The following STPG1 variants were observed in gnomAD, a reference collection of about 807,000 sequenced individuals.
STPG1 encodes the protein sperm tail PG-rich repeat containing 1.
A neutral mutation model predicts 40.1 loss-of-function variants in STPG1; 33 were observed. The ratio of observed to expected loss-of-function variants is 0.82; its 90% confidence interval spans 0.62 to 1.10. The LOEUF (loss-of-function observed/expected upper bound fraction) is 1.10. Among genes scored for constraint, STPG1 ranks in the 50% least tolerant of loss-of-function variants. STPG1 has a pLI of 0.00. For missense variants in STPG1, 396 were observed against 415.1 expected, an observed-to-expected ratio of 0.95 and a Z score of 0.40; for synonymous variants, 150 against 155.0, an observed-to-expected ratio of 0.97 and a Z score of 0.24.
At chr1:24,365,430 C>T (rs1394572225) in intron 7 of STPG1, among the ~76,000 whole-genome samples, 5 of 152,198 alleles carry the variant, frequency 3.3e-5, no homozygotes, top group South Asian at 2.1e-4. Context: ...ATCACTGTGA[C>T]GGATATTGAA....
intron 3 of STPG1, among the ~76,000 whole-genome samples, chr1:24,390,799 A>AT (rs1403530927): frequency 0.025 from 3,585 of 145,630 alleles, 138 homozygotes; most frequent in African/African-American, 0.082. Flanking sequence ...TACAAAGGTA[A>AT]TTTTTTTTTT....
Position 24,412,241 on chromosome 1 carries a change from C to T in STPG1, c.-69+1433G>A, listed in dbSNP as rs186082031. Among the ~76,000 whole-genome samples the T allele has an allele frequency of 2.0e-3, 301 of 152,312 alleles. 1 individual carries two copies. Among genetic ancestry groups the T allele is most frequent in the South Asian group, 0.017 (83 of 4,826 alleles). ...CCACCTAAAGACTAATCTTCTTCTCCACATGGGACCTCCCTGGCTTTTGCC... is the reference window on the plus strand; with the variant it reads ...CCACCTAAAGACTAATCTTCTTCTCTACATGGGACCTCCCTGGCTTTTGCC... On this transcript the variant is annotated intron_variant, in intron 1 of 8. Transcript: ENST00000337248.
At chr1:24,369,644 A>C in intron 7 of STPG1, 30 bp downstream of exon 7, 2 of 1,558,894 alleles carry the variant, frequency 1.3e-6, no homozygotes, top group Non-Finnish European at 1.7e-6. Flanking sequence ...ACCACCTTTC[A>C]AAAGAAAGAC....
At chr1:24,387,819 T>G (rs985716077) in intron 3 of STPG1, among the ~76,000 whole-genome samples, 1 of 152,190 alleles carries the variant, frequency 6.6e-6, no homozygotes, top group Non-Finnish European at 1.5e-5. Context: ...CAGACCCTAC[T>G]GTGGGTCAGA....
chr1:24,400,034 T>C (rs1360318994), intron 2 of STPG1, among the ~76,000 whole-genome samples: 1 of 152,202 alleles, frequency 6.6e-6, no homozygotes, highest in East Asian at 1.9e-4. Context: ...TATAGACCCA[T>C]GAAATACATA....
chr1:24,397,441 G>A (rs1191740022), intron 2 of STPG1, among the ~76,000 whole-genome samples: 2 of 151,988 alleles, frequency 1.3e-5, no homozygotes, highest in Non-Finnish European at 1.5e-5. Context: ...ACCACTACCT[G>A]ATACCAAAAC....
At chr1:24,364,432 T>A (rs1641324178) in intron 7 of STPG1, 1 of 1,467,402 alleles carries the variant, frequency 6.8e-7, no homozygotes, top group Admixed American at 2.6e-5. Flanking sequence ...AGCTCTCAGC[T>A]CAGAGTATGT....
chr1:24,390,055 T>C (rs1642695199), intron 3 of STPG1, among the ~76,000 whole-genome samples: 1 of 152,222 alleles, frequency 6.6e-6, no homozygotes, highest in South Asian at 2.1e-4. Flanking sequence ...CTTGGCTCCG[T>C]TCAGAACCTA....
intron 1 of STPG1, among the ~76,000 whole-genome samples, chr1:24,408,689 T>C (rs977778535): frequency 2.0e-5 from 3 of 152,250 alleles, no homozygotes; most frequent in African/African-American, 7.2e-5. Context: ...ATTTAACTAC[T>C]TTTTAGTTGT....
chr1:24,404,818 C>T (rs1271407882), intron 1 of STPG1, among the ~76,000 whole-genome samples: 1 of 151,968 alleles, frequency 6.6e-6, no homozygotes, highest in Non-Finnish European at 1.5e-5. Flanking sequence ...ATAGGTTTAC[C>T]AATGTATTGA....
At chr1:24,389,223 G>A (rs187901749) in intron 3 of STPG1, among the ~76,000 whole-genome samples, 7 of 152,258 alleles carry the variant, frequency 4.6e-5, no homozygotes, top group East Asian at 1.9e-4. Flanking sequence ...CTTGACAAGT[G>A]AGCCGGCTTG....
At chr1:24,363,022 A>T (rs1311451749) in intron 7 of STPG1, among the ~76,000 whole-genome samples, 1 of 152,182 alleles carries the variant, frequency 6.6e-6, no homozygotes, top group Non-Finnish European at 1.5e-5. Flanking sequence ...TGTGGCTGGC[A>T]TCATGGAGAG....
intron 4 of STPG1, among the ~76,000 whole-genome samples, chr1:24,381,053 A>G (rs1642261007): frequency 6.6e-6 from 1 of 152,100 alleles, no homozygotes; most frequent in Non-Finnish European, 1.5e-5. Context: ...AGTGGATCTT[A>G]TGATTATCTC....
intron 5 of STPG1, among the ~76,000 whole-genome samples, chr1:24,376,655 A>G (rs916743270): frequency 3.3e-5 from 5 of 152,130 alleles, no homozygotes; most frequent in Non-Finnish European, 7.4e-5. Flanking sequence ...CGGGTGAAGG[A>G]GTAGACAGTG....
intron 4 of STPG1, among the ~76,000 whole-genome samples, chr1:24,380,099 C>A (rs1038482775): frequency 2.6e-5 from 4 of 152,168 alleles, no homozygotes; most frequent in African/African-American, 9.7e-5. Flanking sequence ...CATTTCCACC[C>A]AATCCTGTTC....
In STPG1 at chr1:24,359,067, G is replaced by A. The variant is rs754894225; in HGVS notation, c.929-448C>T. On this transcript the variant is annotated intron_variant, in intron 8 of 8. Coordinates refer to ENST00000337248, the MANE Select transcript of STPG1 (RefSeq NM_001199013.2). The surrounding 1 kb of genome is among the most constrained non-coding windows in gnomAD (Gnocchi z 5.3). ...TAGCCCCAGGTGACCAGAAACTCAT[G>A]TTGATACTGACTTGGTTAATGAGGG... Among the ~76,000 whole-genome samples the A allele has an allele frequency of 5.3e-5, 8 of 152,198 alleles. No individual in the cohort carries two copies. The highest frequency in any genetic ancestry group is 8.8e-5 in the Non-Finnish European group (6 of 68,036).
chr1:24,361,801 T>C (rs141784045), intron 7 of STPG1, among the ~76,000 whole-genome samples: 64 of 152,264 alleles, frequency 4.2e-4, no homozygotes, highest in African/African-American at 1.5e-3. Context: ...TGTACTTGAG[T>C]CCTAGCTTGG....
intron 8 of STPG1, 82 bp downstream of exon 8, chr1:24,360,769 A>C: frequency 7.7e-7 from 1 of 1,298,232 alleles, no homozygotes; most frequent in East Asian, 2.3e-5. Context: ...CAACCTATAA[A>C]TCAATGGCAT....
chr1:24,384,494 A>C (rs748395706), intron 3 of STPG1, among the ~76,000 whole-genome samples: 5 of 152,214 alleles, frequency 3.3e-5, no homozygotes, highest in Non-Finnish European at 5.9e-5. Context: ...AAACAAAAAC[A>C]ACCTTCAACC....
Sources: gnomAD v4.1 joint callset for allele counts (sites outside exome capture counted in the v4.1 genomes callset) on GRCh38, gnomAD v4.1.1 for gene constraint, Gnocchi (gnomAD v3.1) non-coding constraint, MANE v1.5 for transcripts, NCBI Gene and HGNC (gene_info 2026-07-23, HGNC 2026-07-21) for gene names.